ITPRID1: variants seen among roughly 807,000 people sequenced by gnomAD.
ITPRID1 encodes the protein protein ITPRID1.
A neutral mutation model predicts 95.4 loss-of-function variants in ITPRID1; 96 were observed. The ratio of observed to expected loss-of-function variants is 1.01; its 90% confidence interval spans 0.85 to 1.19. The LOEUF is 1.19. ITPRID1 is among the 50% of genes most tolerant of loss of function. The pLI is 0.00. For synonymous variants in ITPRID1, 510 were observed against 453.6 expected (o/e 1.12, Z -1.58); for missense variants, 1,339 against 1,252.9 (o/e 1.07, Z -1.04).
rs1791093826 is a variant in ITPRID1 at position 31,652,917 on chromosome 7, G to T, written c.*88G>T. On this transcript the variant is annotated 3_prime_UTR_variant, in exon 15 of 15. Transcript: ENST00000615280. ...AATTTCAATTTTCCCCAAGGAGAAGGGTCTGCCAACCCATTGTCAGCTATA... is the reference window on the plus strand; with the variant it reads ...AATTTCAATTTTCCCCAAGGAGAAGTGTCTGCCAACCCATTGTCAGCTATA... 1 of 1,537,606 alleles carries T rather than the reference G, an allele frequency of 6.5e-7. No individual in the cohort carries two copies. The highest frequency in any genetic ancestry group is 8.8e-7 in the Non-Finnish European group (1 of 1,142,394).
chr7:31,566,411 G>T (rs1010892580), intron 5 of ITPRID1, among the ~76,000 whole-genome samples: 1 of 152,190 alleles, frequency 6.6e-6, no homozygotes, highest in African/African-American at 2.4e-5. Context: ...TGGCAAGAAT[G>T]TCAGTGCTGG....
At chr7:31,546,469 G>T (rs1371013817) in intron 1 of ITPRID1, among the ~76,000 whole-genome samples, 1 of 151,944 alleles carries the variant, frequency 6.6e-6, no homozygotes, top group Admixed American at 6.6e-5. Context: ...GTCTGTGTGT[G>T]TATAATCTCC....
intron 1 of ITPRID1, among the ~76,000 whole-genome samples, chr7:31,543,202 C>T (rs2128133548): frequency 6.6e-6 from 1 of 152,158 alleles, no homozygotes; most frequent in Non-Finnish European, 1.5e-5. Context: ...TAATTATTCA[C>T]CTTTAATTCC....
intron 10 of ITPRID1, among the ~76,000 whole-genome samples, chr7:31,618,890 G>A (rs1237858392): frequency 2.0e-5 from 3 of 152,114 alleles, no homozygotes; most frequent in Non-Finnish European, 4.4e-5. Context: ...TGTGCACATT[G>A]CATGTTATAA....
At chr7:31,658,291 C>A (rs1325051572), downstream of ITPRID1, 2 of 1,502,494 alleles carry the variant, frequency 1.3e-6, no homozygotes, top group Non-Finnish European at 1.8e-6. Flanking sequence ...GTCTGCAGAG[C>A]TGGATCCCTT....
At chr7:31,642,079 G>A (rs780384312) in intron 10 of ITPRID1, 97 bp from the exon 11 acceptor site, 159 of 688,958 alleles carry the variant, frequency 2.3e-4, no homozygotes, top group Admixed American at 4.7e-4. Flanking sequence ...CATTTCTGCA[G>A]GATCCATGGT....
At chr7:31,599,044 A>G (rs1185926835) in intron 10 of ITPRID1, among the ~76,000 whole-genome samples, 2 of 152,218 alleles carry the variant, frequency 1.3e-5, no homozygotes, top group African/African-American at 4.8e-5. Context: ...CCCTTAACCC[A>G]GCCATTCAGC....
chr7:31,622,822 G>A (rs1447333276), intron 10 of ITPRID1, among the ~76,000 whole-genome samples: 1 of 152,056 alleles, frequency 6.6e-6, no homozygotes. Context: ...TCCAGGAGCT[G>A]GTTTTTTGAA....
intron 1 of ITPRID1, among the ~76,000 whole-genome samples, chr7:31,524,824 AAGAG>A (rs1194259484): frequency 6.6e-6 from 1 of 152,218 alleles, no homozygotes; most frequent in Non-Finnish European, 1.5e-5. Flanking sequence ...TCATCTTACA[AAGAG>A]AGTTCCTTAA....
intron 10 of ITPRID1, among the ~76,000 whole-genome samples, chr7:31,620,944 G>C (rs1168267103): frequency 6.6e-6 from 1 of 151,972 alleles, no homozygotes; most frequent in Non-Finnish European, 1.5e-5. Flanking sequence ...CAAGGCTCAA[G>C]AACTATGTGA....
At chr7:31,596,592 G>A (rs1362963439) in intron 10 of ITPRID1, among the ~76,000 whole-genome samples, 2 of 151,492 alleles carry the variant, frequency 1.3e-5, no homozygotes, top group Admixed American at 1.3e-4. Context: ...TAGGATAAAG[G>A]AAATACTTGA....
rs181524942 is a variant in ITPRID1 at position 31,532,760 on chromosome 7, G to A, written c.-97-16666G>A. ...AAAGCAGATACCAGATGATGTTTTA[G>A]CAAGCTGGCCAAGCAAGTTGGCCAC... is the stretch of plus-strand genomic sequence containing the variant. On this transcript the variant is annotated intron_variant, in intron 1 of 14. Transcript: ENST00000615280. Among the ~76,000 whole-genome samples the A allele has an allele frequency of 1.6e-3, 248 of 152,312 alleles. 3 individuals are homozygous for A. The highest frequency in any genetic ancestry group is 5.8e-3 in the African/African-American group (242 of 41,580).
intron 12 of ITPRID1, 64 bp from the exon 13 acceptor site, chr7:31,651,078 C>CA: frequency 6.4e-7 from 1 of 1,555,926 alleles, no homozygotes; most frequent in Non-Finnish European, 8.7e-7. Context: ...CAGGCTCCAC[C>CA]ATGGTGAGCT....
intron 7 of ITPRID1, among the ~76,000 whole-genome samples, chr7:31,573,758 C>T (rs1291018761): frequency 2.0e-5 from 3 of 150,746 alleles, no homozygotes; most frequent in Non-Finnish European, 4.4e-5. Context: ...CATAATATAA[C>T]TATTTATATT....
At position 31,652,542 on chromosome 7, in the gene ITPRID1, C is replaced by A; in HGVS notation, c.2848C>A (p.Pro950Thr). The change falls in exon 15 of 15, where the codon CCA becomes ACA. Residue 950 changes from proline (P) to threonine (T), a missense_variant. Transcript: ENST00000615280. ...LLQLEVLTAE[P>T]PEHYSNLHQY... ...GCAGCTGGAGGTTCTCACAGCAGAG[C>A]CACCTGAACACTATTCAAATCTGCA... 1 of 1,604,618 alleles carries A rather than the reference C, an allele frequency of 6.2e-7. No homozygotes were observed. The highest frequency in any genetic ancestry group is 1.1e-5 in the South Asian group (1 of 89,560).
intron 5 of ITPRID1, among the ~76,000 whole-genome samples, chr7:31,569,160 C>G (rs1784898492): frequency 6.6e-6 from 1 of 152,156 alleles, no homozygotes; most frequent in Admixed American, 6.5e-5. Flanking sequence ...TACTAAAGTT[C>G]TGTGAATCTC....
intron 5 of ITPRID1, among the ~76,000 whole-genome samples, chr7:31,562,435 C>A (rs1205926937): frequency 6.6e-6 from 1 of 152,166 alleles, no homozygotes. Context: ...CTCCCATCCC[C>A]AGAGAGGTCT....
intron 10 of ITPRID1, among the ~76,000 whole-genome samples, chr7:31,623,599 G>A (rs38357): frequency 0.27 from 40,308 of 147,502 alleles, 6,145 homozygotes; most frequent in Non-Finnish European, 0.33. Context: ...TTGATGGGAC[G>A]TATCTCAAAA....
chr7:31,570,639 A>G (rs1284411418), intron 6 of ITPRID1, among the ~76,000 whole-genome samples: 3 of 152,190 alleles, frequency 2.0e-5, no homozygotes, highest in African/African-American at 7.2e-5. Flanking sequence ...TAGAGCTATA[A>G]AAGACCACAG....
Sources: allele counts gnomAD v4.1 joint callset (sites outside exome capture counted in the v4.1 genomes callset), GRCh38; gene constraint gnomAD v4.1.1; transcripts MANE v1.5; gene names NCBI Gene and HGNC (gene_info 2026-07-23, HGNC 2026-07-21).